Variants in FRMD6 observed in about 807,000 individuals in gnomAD.
FRMD6 encodes the protein FERM domain-containing protein 6.
FRMD6 carries 37 observed loss-of-function variants against 73.2 expected under a neutral mutation model. That is an observed-to-expected ratio of 0.51 (90% CI 0.39 to 0.66). The LOEUF is 0.66. Ranked by LOEUF, FRMD6 falls within the 30% of genes least tolerant of loss-of-function variation. The probability of loss-of-function intolerance (pLI) is 0.00; values close to 1 mark genes in which losing one functional copy is unlikely to be tolerated. For synonymous variants in FRMD6, 273 were observed against 282.2 expected (o/e 0.97, Z 0.33); for missense variants, 714 against 780.5 (o/e 0.91, Z 1.02).
At chr14:51,712,618 A>T (rs548000856) in intron 9 of FRMD6, 67 bp downstream of exon 9, 1 of 1,007,038 alleles carries the variant, frequency 9.9e-7, no homozygotes, top group South Asian at 1.4e-5. Context: ...GGTTTCTGTT[A>T]TTTTTTGTTT....
At chr14:51,500,309 A>C (rs1883537233) in intron 1 of FRMD6, among the ~76,000 whole-genome samples, 2 of 152,142 alleles carry the variant, frequency 1.3e-5, no homozygotes, top group Non-Finnish European at 2.9e-5. Context: ...TGGGCGGATC[A>C]TGAGGTCAGG....
At chr14:51,396,470 G>A in the FRMD6 span, among the ~76,000 whole-genome samples, 1 of 151,948 alleles carries the variant, frequency 6.6e-6, no homozygotes, top group Non-Finnish European at 1.5e-5. Flanking sequence ...AAGAGGTCTT[G>A]TACTGTTTAT....
At chr14:51,610,209 G>A (rs892639909) in intron 2 of FRMD6, among the ~76,000 whole-genome samples, 1 of 152,000 alleles carries the variant, frequency 6.6e-6, no homozygotes, top group African/African-American at 2.4e-5. Context: ...GGGGGAGTCA[G>A]TAAATAAACA....
At position 51,631,137 on chromosome 14, in the gene FRMD6, A is replaced by G. The variant is rs537374020; in HGVS notation, c.-146-58554A>G. Among the ~76,000 whole-genome samples the G allele has an allele frequency of 3.9e-5, 6 of 152,288 alleles. No homozygotes were observed. In the South Asian group the frequency reaches 1.2e-3, roughly 32 times the overall value. ...CCAAGGTGAGAAACTGAGAAGTTCCAGAATTAAACTGGTACATTTTTTGAG... is the reference window on the plus strand; with the variant it reads ...CCAAGGTGAGAAACTGAGAAGTTCCGGAATTAAACTGGTACATTTTTTGAG... On this transcript the variant is annotated intron_variant, in intron 2 of 14. Coordinates refer to the FRMD6 transcript ENST00000356218.
At chr14:51,695,432 AC>A in intron 2 of FRMD6, among the ~76,000 whole-genome samples, 1 of 152,300 alleles carries the variant, frequency 6.6e-6, no homozygotes, top group South Asian at 2.1e-4. Flanking sequence ...AGGTGATTCA[AC>A]CTAGCTGTAC....
chr14:51,663,379 G>T (rs1893363642), intron 1 of FRMD6, among the ~76,000 whole-genome samples: 1 of 152,196 alleles, frequency 6.6e-6, no homozygotes, highest in South Asian at 2.1e-4. Flanking sequence ...CCTATCAGTG[G>T]TAGACTGGAT....
intron 2 of FRMD6, among the ~76,000 whole-genome samples, chr14:51,697,253 G>A (rs1217884275): frequency 2.0e-5 from 3 of 152,124 alleles, no homozygotes; most frequent in Non-Finnish European, 4.4e-5. Context: ...GTCAAGGTAT[G>A]GAATCAACCT....
chr14:51,568,096 C>T (rs1887878824), intron 1 of FRMD6, among the ~76,000 whole-genome samples: 2 of 152,194 alleles, frequency 1.3e-5, no homozygotes, highest in Admixed American at 6.5e-5. Flanking sequence ...AAGAAGAAAG[C>T]ACTTGGCAAA....
chr14:51,716,995 A>AT lies in FRMD6; in HGVS notation c.1024+1504dup, dbSNP rs908644900. Among the ~76,000 whole-genome samples the AT allele has an allele frequency of 3.3e-5, 5 of 151,980 alleles. No homozygotes were observed. The East Asian group carries it at 5.8e-4, about 18-fold the overall frequency. On this transcript the variant is annotated intron_variant, in intron 10 of 13. Transcript: ENST00000344768. ...CTTTCTGCCTGCAGCATTTTAGTAC[A>AT]TTTTTTTTGTTCAGATGACCTTAAG... is the stretch of plus-strand genomic sequence containing the variant.
chr14:51,476,025 G>A, the FRMD6 span, among the ~76,000 whole-genome samples: 7 of 152,080 alleles, frequency 4.6e-5, no homozygotes, highest in African/African-American at 1.4e-4. Context: ...AGGACCCTGG[G>A]GCTGCCCTGG....
chr14:51,710,787 T>C (rs1896899823), intron 7 of FRMD6, among the ~76,000 whole-genome samples: 2 of 152,188 alleles, frequency 1.3e-5, no homozygotes, highest in Admixed American at 1.3e-4. Context: ...CTATATATAC[T>C]TATTACAGAT....
chr14:51,459,147 C>T, the FRMD6 span, among the ~76,000 whole-genome samples: 92,925 of 152,148 alleles, frequency 0.61, 28,801 homozygotes, highest in East Asian at 0.77. Context: ...CTGAAATCCA[C>T]TGGTTTTACT....
At chr14:51,588,378 A>C (rs1431255575) in intron 2 of FRMD6, among the ~76,000 whole-genome samples, 1 of 152,134 alleles carries the variant, frequency 6.6e-6, no homozygotes, top group African/African-American at 2.4e-5. Context: ...GCACCCATTA[A>C]CTTGTTAAAA....
chr14:51,444,574 G>C, the FRMD6 span, among the ~76,000 whole-genome samples: 1 of 152,146 alleles, frequency 6.6e-6, no homozygotes, highest in South Asian at 2.1e-4. Context: ...AAAACTGAGA[G>C]AGAGCAAGGG....
intron 2 of FRMD6, among the ~76,000 whole-genome samples, chr14:51,696,029 A>G (rs1053670902): frequency 2.6e-5 from 4 of 152,102 alleles, no homozygotes; most frequent in African/African-American, 9.7e-5. Flanking sequence ...TCATTGAAAA[A>G]AAGGATTTGA....
chr14:51,646,208 C>A (rs1337448073), intron 2 of FRMD6, among the ~76,000 whole-genome samples: 1 of 150,518 alleles, frequency 6.6e-6, no homozygotes, highest in Non-Finnish European at 1.5e-5. Flanking sequence ...GTCTCGGCTA[C>A]TCGGGAGGCT....
the FRMD6 span, among the ~76,000 whole-genome samples, chr14:51,471,046 G>C: frequency 1.3e-5 from 2 of 152,080 alleles, no homozygotes; most frequent in Admixed American, 6.5e-5. Context: ...TTATGTAGAT[G>C]TTTTTTCTGG....
chr14:51,460,689 A>G, the FRMD6 span, among the ~76,000 whole-genome samples: 7 of 152,208 alleles, frequency 4.6e-5, no homozygotes, highest in Non-Finnish European at 7.3e-5. Flanking sequence ...AATCAGTTAA[A>G]TTATTAGTAA....
intron 2 of FRMD6, among the ~76,000 whole-genome samples, chr14:51,646,487 T>C (rs1447988061): frequency 6.6e-6 from 1 of 151,900 alleles, no homozygotes; most frequent in East Asian, 1.9e-4. Context: ...ACCAGATAGA[T>C]TGCTGCTTCC....
Sources: allele counts gnomAD v4.1 joint callset (sites outside exome capture counted in the v4.1 genomes callset), GRCh38; gene constraint gnomAD v4.1.1; transcripts MANE v1.5; gene names NCBI Gene and HGNC (gene_info 2026-07-23, HGNC 2026-07-21).